Variants in VPS50 observed in about 807,000 individuals in gnomAD.
VPS50 encodes VPS50 subunit of EARP/GARPII complex.
VPS50 carries 70 observed loss-of-function variants against 139.7 expected under a neutral mutation model. The observed-to-expected ratio is 0.50, with a 90% CI of 0.41 to 0.61. The LOEUF is 0.61. Among genes scored for constraint, VPS50 ranks in the 20% least tolerant of loss-of-function variants. VPS50 has a pLI of 0.00. For missense variants in VPS50, 921 were observed against 1,133.7 expected, an observed-to-expected ratio of 0.81 and a Z score of 2.69; for synonymous variants, 365 against 376.7, an observed-to-expected ratio of 0.97 and a Z score of 0.36.
chr7:93,272,785 C>T (rs1400678921), intron 11 of VPS50, 52 bp downstream of exon 11: 1 of 822,722 alleles, frequency 1.2e-6, no homozygotes, highest in Non-Finnish European at 2.0e-6. Context: ...ATTTGTTGTC[C>T]TTCATGATTA....
intron 21 of VPS50, among the ~76,000 whole-genome samples, chr7:93,324,187 G>A (rs1562887564): frequency 6.6e-6 from 1 of 152,270 alleles, no homozygotes; most frequent in East Asian, 1.9e-4. Context: ...GATATTTTGG[G>A]CTGAGACAAT....
chr7:93,269,156 T>C (rs973032413), intron 9 of VPS50, among the ~76,000 whole-genome samples: 22 of 152,258 alleles, frequency 1.4e-4, no homozygotes, highest in Admixed American at 1.3e-3. Flanking sequence ...ATTTAATTAT[T>C]TGAAAGTGTT....
At chr7:93,271,890 G>T (rs904043599) in intron 10 of VPS50, among the ~76,000 whole-genome samples, 10 of 151,792 alleles carry the variant, frequency 6.6e-5, no homozygotes, top group Admixed American at 2.6e-4. Context: ...TATAAAAGTT[G>T]AGATTGGACT....
At chr7:93,246,542 C>G (rs967544292) in intron 2 of VPS50, among the ~76,000 whole-genome samples, 12 of 151,584 alleles carry the variant, frequency 7.9e-5, no homozygotes, top group African/African-American at 2.7e-4. Flanking sequence ...TTATGAGATT[C>G]CAAGCTGTTA....
rs527355646 is a variant in VPS50 at position 93,270,714 on chromosome 7, G to A, written c.660-506G>A. Reference sequence around the variant, plus strand: ...AGATGAGTGGTTCTGTTTGCTCAACGTCCTTGCCAACATTTGGTGGTGTCA... The same window carrying A: ...AGATGAGTGGTTCTGTTTGCTCAACATCCTTGCCAACATTTGGTGGTGTCA... On this transcript the variant is annotated intron_variant, in intron 9 of 27. Transcript: ENST00000305866. Among the ~76,000 whole-genome samples, 34 of 151,870 alleles carry A rather than the reference G, an allele frequency of 2.2e-4. No homozygotes were observed. The South Asian group carries it at 6.0e-3, about 27-fold the overall frequency.
At chr7:93,319,449 C>T (rs1294251042) in intron 20 of VPS50, among the ~76,000 whole-genome samples, 2 of 152,094 alleles carry the variant, frequency 1.3e-5, no homozygotes, top group Non-Finnish European at 2.9e-5. Context: ...TGTTTGAATT[C>T]GTGTCAGTCT....
intron 21 of VPS50, among the ~76,000 whole-genome samples, chr7:93,328,601 G>T (rs1053315743): frequency 2.6e-5 from 4 of 152,140 alleles, no homozygotes; most frequent in African/African-American, 7.2e-5. Context: ...AGACTGTGGT[G>T]GGGGGTCCAT....
chr7:93,262,126 G>C (rs193292125), intron 9 of VPS50, among the ~76,000 whole-genome samples: 189 of 152,236 alleles, frequency 1.2e-3, no homozygotes, highest in African/African-American at 4.3e-3. Context: ...GGCTTTGCAG[G>C]GATTATAGCA....
chr7:93,291,633 T>C (rs1442085300), intron 12 of VPS50, 70 bp from the exon 13 acceptor site: 2 of 770,438 alleles, frequency 2.6e-6, no homozygotes, highest in African/African-American at 3.6e-5. Context: ...ATTTGATTAA[T>C]AACCTATTTT....
chr7:93,311,650 G>A (rs778274458), intron 20 of VPS50, among the ~76,000 whole-genome samples: 13 of 152,052 alleles, frequency 8.5e-5, no homozygotes, highest in Non-Finnish European at 1.5e-4. Flanking sequence ...ACCATCTTCT[G>A]TCAGGCAGAG....
intron 22 of VPS50, among the ~76,000 whole-genome samples, chr7:93,338,276 A>C (rs1798118764): frequency 6.6e-6 from 1 of 152,206 alleles, no homozygotes; most frequent in African/African-American, 2.4e-5. Context: ...ACTTTGTGGT[A>C]GACTGATGGT....
chr7:93,351,206 G>T (rs919596101), intron 25 of VPS50, among the ~76,000 whole-genome samples: 8 of 151,978 alleles, frequency 5.3e-5, no homozygotes, highest in African/African-American at 1.7e-4. Flanking sequence ...TGACACCAAG[G>T]GTGCTCTATA....
rs1408170712 is a variant in VPS50, at chr7:93,361,088, C to G, written c.*2652C>G. The G allele has an allele frequency of 6.6e-6, 1 of 151,478 alleles. No individual in the cohort carries two copies. The highest frequency in any genetic ancestry group is 2.4e-5 in the African/African-American group (1 of 41,302). The allele number at this position is 151,478 out of a possible 1,614,324, so 9.4% of individuals were successfully genotyped here. On this transcript the variant is annotated 3_prime_UTR_variant, in exon 28 of 28. Coordinates refer to ENST00000305866, the MANE Select transcript of VPS50 (RefSeq NM_017667.4). The stretch of plus-strand genomic sequence containing the variant: ...CTTGTAATTCAATTCACCTTGTAAG[C>G]ATAGTTGTCTTTTGTAATAAAAAAC...
intron 1 of VPS50, among the ~76,000 whole-genome samples, chr7:93,237,838 T>C (rs1254583176): frequency 2.0e-5 from 3 of 152,196 alleles, no homozygotes; most frequent in African/African-American, 7.2e-5. Context: ...GATTATTTTG[T>C]CACCCAAGTA....
chr7:93,343,994 G>A (rs536765390), intron 23 of VPS50, among the ~76,000 whole-genome samples: 3 of 152,256 alleles, frequency 2.0e-5, no homozygotes, highest in African/African-American at 7.2e-5. Flanking sequence ...AACTTTAAAT[G>A]TAAATGGACT....
intron 22 of VPS50, among the ~76,000 whole-genome samples, chr7:93,339,476 A>G (rs1798155422): frequency 6.6e-6 from 1 of 152,178 alleles, no homozygotes; most frequent in South Asian, 2.1e-4. Flanking sequence ...AAATAATTGG[A>G]GATTTGTTAC....
intron 21 of VPS50, among the ~76,000 whole-genome samples, chr7:93,331,287 A>G (rs1797933914): frequency 6.6e-6 from 1 of 151,924 alleles, no homozygotes; most frequent in African/African-American, 2.4e-5. Flanking sequence ...TGATACAAAA[A>G]GCAAAAGATT....
Position 93,353,693 on chromosome 7 carries a change from A to T in VPS50, c.2517A>T (p.Ile839=). The part of the protein sequence containing the change: ...RLNEVSKRVR[I]PLPVSNILWE... Reference sequence around the variant, plus strand: ...ATGAAGTTTCTAAGAGAGTTCGCATACCCTTGCCTGTGTCTAATATACTTT... The same window carrying T: ...ATGAAGTTTCTAAGAGAGTTCGCATTCCCTTGCCTGTGTCTAATATACTTT... The change falls in exon 26 of 28, where the codon ATA becomes ATT. Residue 839 remains isoleucine, a synonymous_variant. Transcript: ENST00000305866. 1 of 1,612,858 alleles carries T rather than the reference A, an allele frequency of 6.2e-7. No homozygotes were observed.
Position 93,360,808 on chromosome 7 carries a change from G to T in VPS50, c.*2372G>T, listed in dbSNP as rs967681201. ...AATACATTGTCTTGCATTTAAAAATGCTAGGGGGGCACATAGCAATTCAAA... is the reference window on the plus strand; with the variant it reads ...AATACATTGTCTTGCATTTAAAAATTCTAGGGGGGCACATAGCAATTCAAA... On this transcript the variant is annotated 3_prime_UTR_variant, in exon 28 of 28. Transcript: ENST00000305866. The T allele has an allele frequency of 2.1e-4, 32 of 151,990 alleles. No homozygotes were observed. Among genetic ancestry groups the T allele is most frequent in the African/African-American group, 7.7e-4 (32 of 41,412 alleles). 9.4% of individuals were successfully genotyped at this position (151,990 alleles called of 1,614,324 possible).
Sources: gnomAD v4.1 joint callset for allele counts (sites outside exome capture counted in the v4.1 genomes callset) on GRCh38, gnomAD v4.1.1 for gene constraint, MANE v1.5 for transcripts, NCBI Gene and HGNC (gene_info 2026-07-23, HGNC 2026-07-21) for gene names.